The following AP3D1 variants were observed in gnomAD, a reference collection of about 807,000 sequenced individuals.
AP3D1 encodes AP-3 complex subunit delta-1.
A neutral mutation model predicts 147.6 loss-of-function variants in AP3D1; 51 were observed. The ratio of observed to expected loss-of-function variants is 0.35; its 90% CI spans 0.28 to 0.44. AP3D1 has a LOEUF of 0.44. AP3D1 is among the 20% of genes least tolerant of loss of function. The pLI is 1.00. For synonymous variants in AP3D1, 760 were observed against 663.0 expected (o/e 1.15, Z -2.25); for missense variants, 1,421 against 1,624.2 (o/e 0.87, Z 2.15).
intron 1 of AP3D1, among the ~76,000 whole-genome samples, chr19:2,162,177 C>T (rs906599415): frequency 4.6e-5 from 7 of 150,862 alleles, no homozygotes; most frequent in Admixed American, 3.3e-4. Context: ...GCTGGGACTA[C>T]AGGCACGAGT....
At chr19:2,115,042 C>T (rs896078071) in intron 20 of AP3D1, among the ~76,000 whole-genome samples, 177 bp downstream of exon 20, 3 of 152,178 alleles carry the variant, frequency 2.0e-5, no homozygotes, top group African/African-American at 7.2e-5. Flanking sequence ...GGCCCTGGGG[C>T]GGTGCGTCGG....
chr19:2,133,201 TTTCC>T (rs2018994738), intron 4 of AP3D1, among the ~76,000 whole-genome samples: 3 of 152,118 alleles, frequency 2.0e-5, no homozygotes, highest in Non-Finnish European at 4.4e-5. Context: ...TTGGGGTCCC[TTTCC>T]GCAACAACTG....
At position 2,121,014 on chromosome 19, in the gene AP3D1, G is replaced by A. The variant is rs760179083; in HGVS notation, c.1329C>T (p.Asp443=). The change falls in exon 14 of 32, where the codon GAC becomes GAT. Residue 443 remains aspartate, a synonymous_variant. Coordinates refer to ENST00000643116, the MANE Select transcript of AP3D1 (RefSeq NM_001261826.3). ...GGATGGCCTTCACGCGGATGGCCAC[G>A]TCCAGCATTTGGGCGGCGATGAGGT... ...HGHLIAAQML[D]VAIRVKAIRK... is the part of the protein sequence containing the mutation. 57 of 1,612,376 alleles carry A rather than the reference G, an allele frequency of 3.5e-5. No homozygotes were observed. Among genetic ancestry groups the A allele is most frequent in the Admixed American group, 5.0e-5 (3 of 60,010 alleles).
chr19:2,147,345 CAA>C (rs71176517), intron 1 of AP3D1, among the ~76,000 whole-genome samples: 65 of 80,264 alleles, frequency 8.1e-4, no homozygotes, highest in African/African-American at 1.6e-3. Context: ...AACTCTGTCT[CAA>C]AAAAAAAAAA....
chr19:2,111,715 C>A lies in AP3D1; in HGVS notation c.2901G>T (p.Pro967=). 6.2e-7 allele frequency: 1 copy of A among 1,601,480 alleles called. No individual in the cohort carries two copies. The highest frequency in any genetic ancestry group is 1.1e-5 in the South Asian group (1 of 89,488). Residue 967 remains proline (P), a synonymous_variant, in exon 25 of 32, where the codon CCG becomes CCT. Coordinates refer to ENST00000643116, the MANE Select transcript of AP3D1 (RefSeq NM_001261826.3). ...CCTCCTCTGGCGCGCCATTCTGCAC[C>A]GGCTCCCCCGCTGCCTCCTCGCTGC... is the stretch of plus-strand genomic sequence containing the variant. ...PPGSEEAAGE[P]VQNGAPEEEQ...
intron 1 of AP3D1, among the ~76,000 whole-genome samples, chr19:2,146,802 A>C (rs1370749883): frequency 6.6e-6 from 1 of 151,990 alleles, no homozygotes; most frequent in Non-Finnish European, 1.5e-5. Context: ...TCTTACCATC[A>C]AGGGGGGTCA....
chr19:2,151,432 C>A lies in AP3D1; in HGVS notation c.-98G>T. On this transcript the variant is annotated 5_prime_UTR_variant, in exon 1 of 32. Transcript: ENST00000643116. ...TGCCGCCCGCGGAGCGCCGCGCTGC[C>A]GGCCGCTGCGGCGGGGCAAGCTCCC... is the stretch of plus-strand genomic sequence containing the variant. The A allele has an allele frequency of 1.4e-6, 1 of 737,192 alleles. No homozygotes were observed. Among genetic ancestry groups the A allele is most frequent in the South Asian group, 6.0e-5 (1 of 16,638 alleles). The allele number at this position is 737,192 out of a possible 1,614,324, so 45.7% of individuals were successfully genotyped here. A position where few individuals can be genotyped will look rare whatever the true frequency, so the allele number is the denominator to read the frequency against.
intron 1 of AP3D1, among the ~76,000 whole-genome samples, chr19:2,162,561 T>G (rs2019732637): frequency 6.6e-6 from 1 of 151,334 alleles, no homozygotes; most frequent in African/African-American, 2.4e-5. Context: ...CTCGGGAGGC[T>G]GAGGCAGGAG....
intron 1 of AP3D1, among the ~76,000 whole-genome samples, chr19:2,163,827 G>T (rs1471533640): frequency 6.6e-6 from 1 of 150,716 alleles, no homozygotes; most frequent in Non-Finnish European, 1.5e-5. Flanking sequence ...GGCGCCGAGG[G>T]GGTGGCGCGC....
At chr19:2,139,417 C>G (rs1039474091) in intron 1 of AP3D1, among the ~76,000 whole-genome samples, 7 of 152,176 alleles carry the variant, frequency 4.6e-5, no homozygotes, top group Non-Finnish European at 1.0e-4. Context: ...CTGGATCCCC[C>G]TGGGCCTGCT....
chr19:2,130,104 C>G (rs1174507149), intron 6 of AP3D1, among the ~76,000 whole-genome samples: 1 of 152,216 alleles, frequency 6.6e-6, no homozygotes, highest in Non-Finnish European at 1.5e-5. Flanking sequence ...CATCCCCTGC[C>G]CTGTGGAAGG....
chr19:2,134,654 T>A (rs1310414946), intron 4 of AP3D1, among the ~76,000 whole-genome samples: 4 of 150,300 alleles, frequency 2.7e-5, no homozygotes, highest in Non-Finnish European at 5.9e-5. Context: ...CAGGCTGGAG[T>A]GCAATGGCAC....
chr19:2,141,496 C>T (rs189613574), intron 1 of AP3D1, among the ~76,000 whole-genome samples: 44 of 141,560 alleles, frequency 3.1e-4, no homozygotes, highest in Admixed American at 3.0e-3. Flanking sequence ...TGCAGTGGTA[C>T]GATCTCGGCT....
chr19:2,151,192 C>A, intron 1 of AP3D1, 47 bp downstream of exon 1: 1 of 1,568,580 alleles, frequency 6.4e-7, no homozygotes, highest in Middle Eastern at 1.8e-4. Flanking sequence ...GGGCCCTGGG[C>A]CGGGGCTGTG....
At chr19:2,147,605 A>C (rs1254363638) in intron 1 of AP3D1, among the ~76,000 whole-genome samples, 1 of 151,408 alleles carries the variant, frequency 6.6e-6, no homozygotes, top group Non-Finnish European at 1.5e-5. Context: ...AAAAAGAAAA[A>C]GAATATATGG....
chr19:2,138,107 G>A (rs1400752434), intron 2 of AP3D1, among the ~76,000 whole-genome samples: 1 of 152,168 alleles, frequency 6.6e-6, no homozygotes, highest in Non-Finnish European at 1.5e-5. Context: ...TTGGCGAATC[G>A]GCTCCTTGAA....
chr19:2,140,755 C>CTTTTTT (rs71176516), intron 1 of AP3D1, among the ~76,000 whole-genome samples: 3 of 107,194 alleles, frequency 2.8e-5, no homozygotes, highest in Non-Finnish European at 5.8e-5. Flanking sequence ...ACACAAACGT[C>CTTTTTT]TTTTTTTTTT....
At chr19:2,118,491 G>T (rs2018518837) in intron 15 of AP3D1, 110 bp downstream of exon 15, 1 of 1,071,408 alleles carries the variant, frequency 9.3e-7, no homozygotes, top group Admixed American at 2.5e-5. Flanking sequence ...AAGAATCTCA[G>T]TGAGTGGCTT....
chr19:2,123,464 C>T (rs1467941393), intron 10 of AP3D1, 58 bp from the exon 11 acceptor site: 6 of 1,574,300 alleles, frequency 3.8e-6, no homozygotes, highest in Non-Finnish European at 5.2e-6. Flanking sequence ...GTGAGTCCCA[C>T]AGGTACCCTC....
Sources: allele counts gnomAD v4.1 joint callset (sites outside exome capture counted in the v4.1 genomes callset), GRCh38; gene constraint gnomAD v4.1.1; transcripts MANE v1.5; gene names NCBI Gene and HGNC (gene_info 2026-07-23, HGNC 2026-07-21).